CEP135: variants seen among roughly 807,000 people sequenced by gnomAD.
CEP135 encodes the protein centrosomal protein 135.
Under a neutral mutation model 157.3 loss-of-function variants are expected in CEP135, and 142 were observed. That is an observed-to-expected ratio of 0.90 (90% CI 0.79 to 1.04). The LOEUF is 1.04. Ranked by LOEUF, CEP135 falls within the 50% of genes least tolerant of loss-of-function variation. CEP135 has a pLI of 0.00. For missense variants in CEP135, 1,317 were observed against 1,309.2 expected (o/e 1.01, Z -0.09); for synonymous variants, 396 against 439.8 (o/e 0.90, Z 1.25).
chr4:56,026,080 G>T (rs1192455562), intron 25 of CEP135, among the ~76,000 whole-genome samples: 1 of 152,056 alleles, frequency 6.6e-6, no homozygotes, highest in African/African-American at 2.4e-5. Context: ...ATGGTGGCAC[G>T]CACCTGTAGT....
At chr4:55,988,313 A>G (rs1486899760) in intron 14 of CEP135, among the ~76,000 whole-genome samples, 1 of 152,138 alleles carries the variant, frequency 6.6e-6, no homozygotes, top group African/African-American at 2.4e-5. Flanking sequence ...AGTTTTAAAG[A>G]AGAACATGGT....
Position 56,009,198 on chromosome 4 carries a change from G to A in CEP135, c.2337-537G>A, listed in dbSNP as rs183179459. ...TGTTGTTGAGACGGAGTCTCGCTCT[G>A]TTGCCCAGGCTGGAGTGCAGTGGGG... On this transcript the variant is annotated intron_variant, in intron 18 of 25. Coordinates refer to ENST00000257287, the MANE Select transcript of CEP135 (RefSeq NM_025009.5). Among the ~76,000 whole-genome samples, 119 of 152,242 alleles carry A rather than the reference G, an allele frequency of 7.8e-4. 1 individual carries two copies. The highest frequency in any genetic ancestry group is 2.8e-3 in the African/African-American group (115 of 41,518).
Position 55,956,885 on chromosome 4 carries a change from A to G in CEP135, c.473-338A>G, listed in dbSNP as rs182185980. 1.2e-3 allele frequency among the ~76,000 whole-genome samples: 179 copies of G among 152,120 alleles called. 1 individual carries two copies. Among genetic ancestry groups the G allele is most frequent in the African/African-American group, 4.0e-3 (168 of 41,498 alleles). ...CGCCTCGGCCTTCCAAAGTGCTGGG[A>G]TTATAGGTGTGAGCCGCCATACCTG... is the stretch of plus-strand genomic sequence containing the variant. On this transcript the variant is annotated intron_variant, in intron 4 of 25. Coordinates refer to ENST00000257287, the MANE Select transcript of CEP135 (RefSeq NM_025009.5).
chr4:56,018,233 GC>G (rs1250905801), intron 22 of CEP135, among the ~76,000 whole-genome samples: 6 of 152,198 alleles, frequency 3.9e-5, no homozygotes, highest in Non-Finnish European at 5.9e-5. Flanking sequence ...GCCTGCCTTG[GC>G]CTCCCAAAGT....
chr4:55,951,638 A>G (rs1300661998), intron 1 of CEP135, among the ~76,000 whole-genome samples: 1 of 152,166 alleles, frequency 6.6e-6, no homozygotes, highest in Non-Finnish European at 1.5e-5. Flanking sequence ...TTCCTTTTAT[A>G]TTCCCTATAC....
At chr4:55,961,418 T>G (rs539429348) in intron 6 of CEP135, among the ~76,000 whole-genome samples, 1 of 152,264 alleles carries the variant, frequency 6.6e-6, no homozygotes, top group South Asian at 2.1e-4. Flanking sequence ...TTATTCTTTC[T>G]CAGCACATAT....
At chr4:56,006,363 T>C (rs1380567715) in intron 17 of CEP135, among the ~76,000 whole-genome samples, 1 of 152,246 alleles carries the variant, frequency 6.6e-6, no homozygotes, top group Non-Finnish European at 1.5e-5. Context: ...ATTCTCCTGT[T>C]GAGATCCTCC....
intron 6 of CEP135, 93 bp downstream of exon 6, chr4:55,959,859 A>T (rs1160085710): frequency 8.2e-6 from 8 of 979,764 alleles, no homozygotes; most frequent in African/African-American, 1.6e-5. Context: ...GCTGATACTG[A>T]GTTTTTATAC....
chr4:56,026,671 G>A (rs536650217), intron 25 of CEP135, among the ~76,000 whole-genome samples: 1 of 152,276 alleles, frequency 6.6e-6, no homozygotes, highest in South Asian at 2.1e-4. Flanking sequence ...ATGGATCACT[G>A]GATATGTGTA....
Position 56,017,740 on chromosome 4 carries a change from T to C in CEP135, c.2895T>C (p.Asp965=). 1.2e-6 allele frequency: 2 copies of C among 1,613,914 alleles called. No homozygotes were observed. The highest frequency in any genetic ancestry group is 1.1e-5 in the South Asian group (1 of 91,078). ...AAGAAGAGCTGAGACATCAAGAAGA[T>C]GAGAAAGCAACAGTATTAAATGACT... ...RLEEELRHQE[D]EKATVLNDLS... Residue 965 remains aspartate (D), a synonymous_variant, in exon 22 of 26, where the codon GAT becomes GAC. Coordinates refer to ENST00000257287, the MANE Select transcript of CEP135 (RefSeq NM_025009.5).
intron 15 of CEP135, among the ~76,000 whole-genome samples, chr4:55,995,564 A>G (rs1050577093): frequency 2.6e-5 from 4 of 152,204 alleles, no homozygotes; most frequent in African/African-American, 9.7e-5. Context: ...GGCAATATAT[A>G]AAATGAAGTA....
chr4:55,991,991 G>T lies in CEP135; in HGVS notation c.1915G>T (p.Glu639Ter). The change falls in exon 15 of 26, where the codon GAG becomes TAG. Residue 639 changes from glutamate to a stop codon, truncating the protein, a stop_gained. Transcript: ENST00000257287. LOFTEE classifies it high-confidence loss of function. The part of the protein sequence containing the change: ...SKVLIMKETI[E>*]SLENKLKVQA... ...AGTGTTAATAATGAAAGAAACAATA[G>T]AGTCGTTAGAGAACAAATTAAAAGT... 1 of 1,582,892 alleles carries T rather than the reference G, an allele frequency of 6.3e-7. No individual in the cohort carries two copies. Among genetic ancestry groups the T allele is most frequent in the Non-Finnish European group, 8.6e-7 (1 of 1,156,868 alleles).
At chr4:56,019,579 G>T (rs1179435192) in intron 23 of CEP135, 24 bp downstream of exon 23, 1 of 1,567,206 alleles carries the variant, frequency 6.4e-7, no homozygotes, top group East Asian at 2.2e-5. Flanking sequence ...GTCAACTTAT[G>T]CAAAGACAAT....
chr4:55,965,891 G>A, intron 8 of CEP135, 32 bp downstream of exon 8: 1 of 1,532,746 alleles, frequency 6.5e-7, no homozygotes, highest in Non-Finnish European at 9.0e-7. Context: ...TTGTGAGAGT[G>A]TTCATTAATT....
At chr4:55,970,992 T>G (rs1017180355) in intron 9 of CEP135, among the ~76,000 whole-genome samples, 60 of 152,274 alleles carry the variant, frequency 3.9e-4, no homozygotes, top group Non-Finnish European at 3.8e-4. Context: ...TTTAATCATA[T>G]AAGTATATAT....
At chr4:56,002,259 G>A (rs1160469719) in intron 17 of CEP135, among the ~76,000 whole-genome samples, 2 of 151,672 alleles carry the variant, frequency 1.3e-5, no homozygotes, top group Non-Finnish European at 2.9e-5. Context: ...AATTGTTCTG[G>A]CCAGGACTTC....
intron 6 of CEP135, among the ~76,000 whole-genome samples, chr4:55,963,826 C>T (rs1728758387): frequency 1.3e-5 from 2 of 152,146 alleles, no homozygotes; most frequent in Admixed American, 1.3e-4. Flanking sequence ...TTAAATTCAC[C>T]CCAGTTTCCT....
intron 21 of CEP135, among the ~76,000 whole-genome samples, chr4:56,013,714 T>G (rs1030708403): frequency 6.6e-6 from 1 of 152,164 alleles, no homozygotes; most frequent in South Asian, 2.1e-4. Context: ...GTCATTTTTG[T>G]TTTGTTTTGT....
chr4:56,001,411 T>A (rs756587185), intron 17 of CEP135, among the ~76,000 whole-genome samples: 6 of 152,212 alleles, frequency 3.9e-5, no homozygotes, highest in Non-Finnish European at 8.8e-5. Flanking sequence ...GAGTCTTTAA[T>A]CCACTTTGAT....
Sources: gnomAD v4.1 joint callset for allele counts (sites outside exome capture counted in the v4.1 genomes callset) on GRCh38, gnomAD v4.1.1 for gene constraint, MANE v1.5 for transcripts, NCBI Gene and HGNC (gene_info 2026-07-23, HGNC 2026-07-21) for gene names.